ZMIZ1: variants seen among roughly 807,000 people sequenced by gnomAD.
ZMIZ1 encodes the protein zinc finger MIZ domain-containing protein 1.
ZMIZ1 carries 17 observed loss-of-function variants against 113.9 expected under a neutral mutation model. The ratio of observed to expected loss-of-function variants is 0.15; its 90% confidence interval spans 0.10 to 0.22. ZMIZ1 has a LOEUF of 0.22. Ranked by LOEUF, ZMIZ1 falls within the 10% of genes least tolerant of loss-of-function variation. The probability of loss-of-function intolerance (pLI) is 1.00; values close to 1 mark genes in which losing one functional copy is unlikely to be tolerated. For synonymous variants in ZMIZ1, 607 were observed against 603.1 expected, an observed-to-expected ratio of 1.01 and a Z score of -0.09; for missense variants, 1,059 against 1,477.8, an observed-to-expected ratio of 0.72 and a Z score of 4.65.
intron 3 of ZMIZ1, among the ~76,000 whole-genome samples, chr10:79,142,539 C>T (rs546459557): frequency 2.0e-4 from 30 of 152,280 alleles, no homozygotes; most frequent in Admixed American, 1.7e-3. Context: ...ACTCTGTATG[C>T]TGCAGTGGGA....
At chr10:79,267,749 C>T (rs974065156) in intron 7 of ZMIZ1, among the ~76,000 whole-genome samples, 1 of 152,110 alleles carries the variant, frequency 6.6e-6, no homozygotes, top group African/African-American at 2.4e-5. Context: ...TGAGATGGGC[C>T]GTCTCTCACT....
At chr10:79,206,240 C>T (rs182205163) in intron 5 of ZMIZ1, among the ~76,000 whole-genome samples, 8 of 152,316 alleles carry the variant, frequency 5.3e-5, no homozygotes, top group South Asian at 4.1e-4. Context: ...GCTGGGCACT[C>T]GGGTGCCAGA....
intron 3 of ZMIZ1, among the ~76,000 whole-genome samples, chr10:79,148,840 C>G (rs903399962): frequency 6.7e-6 from 1 of 148,952 alleles, no homozygotes; most frequent in Admixed American, 6.6e-5. Context: ...CTTAGGGCCA[C>G]AGACTTTAGG....
In ZMIZ1 at chr10:79,296,684, G is replaced by T. The variant is rs1853917090; in HGVS notation, c.1413+31G>T. 6.6e-7 allele frequency: 1 copy of T among 1,520,162 alleles called. No individual in the cohort carries two copies. Among genetic ancestry groups the T allele is most frequent in the African/African-American group, 1.4e-5 (1 of 71,934 alleles). The allele number at this position is 1,520,162 out of a possible 1,614,324, so 94.2% of individuals were successfully genotyped here. ...TCCCAGCCTCGCCACCACCCACGGG[G>T]CCCCTTCCCTCCTAACCACCTCACT... On this transcript the variant is annotated intron_variant, in intron 13 of 24. Transcript: ENST00000334512. This position sits in a 1 kb window ranked among gnomAD's most constrained non-coding sequence, Gnocchi z 4.1.
At chr10:79,122,691 A>G (rs1844352063) in intron 2 of ZMIZ1, among the ~76,000 whole-genome samples, 1 of 152,178 alleles carries the variant, frequency 6.6e-6, no homozygotes, top group Non-Finnish European at 1.5e-5. Context: ...TTTCACACCC[A>G]TCACACCCTG....
At chr10:79,081,596 G>A (rs1842660282) in intron 1 of ZMIZ1, among the ~76,000 whole-genome samples, 1 of 152,228 alleles carries the variant, frequency 6.6e-6, no homozygotes, top group African/African-American at 2.4e-5. Flanking sequence ...GAGGTAGCCA[G>A]GGGCTGTGAA....
chr10:79,213,708 A>G (rs1431643203), intron 6 of ZMIZ1, among the ~76,000 whole-genome samples: 1 of 152,208 alleles, frequency 6.6e-6, no homozygotes, highest in Non-Finnish European at 1.5e-5. Flanking sequence ...TTATGGCGTT[A>G]ACCCTTTGTG....
chr10:79,173,425 A>G (rs1846688791), intron 4 of ZMIZ1, among the ~76,000 whole-genome samples: 1 of 152,178 alleles, frequency 6.6e-6, no homozygotes, highest in South Asian at 2.1e-4. Flanking sequence ...AGAGCAGATT[A>G]GGACCAAAGG....
chr10:79,150,457 C>T (rs1452334074), intron 3 of ZMIZ1, among the ~76,000 whole-genome samples: 6 of 152,250 alleles, frequency 3.9e-5, no homozygotes, highest in Non-Finnish European at 7.3e-5. Context: ...TGACTTATCT[C>T]CTCTCAGACA....
At chr10:79,303,457 A>G (rs1227100128) in intron 18 of ZMIZ1, among the ~76,000 whole-genome samples, 2 of 147,136 alleles carry the variant, frequency 1.4e-5, no homozygotes, top group South Asian at 4.3e-4. Flanking sequence ...ACTGCCACAA[A>G]AAAAAAAAAA....
intron 4 of ZMIZ1, among the ~76,000 whole-genome samples, chr10:79,195,582 G>A (rs1288718716): frequency 3.3e-5 from 5 of 152,240 alleles, no homozygotes; most frequent in Non-Finnish European, 4.4e-5. Flanking sequence ...CGGAGGCAGC[G>A]GCCCAGCTGA....
chr10:79,226,365 GGTATCACCATGCCTGCCTTCC>G (rs1849200992), intron 7 of ZMIZ1, among the ~76,000 whole-genome samples: 1 of 152,170 alleles, frequency 6.6e-6, no homozygotes, highest in African/African-American at 2.4e-5. Flanking sequence ...CAGGGCCACA[GGTATCACCATGCCTGCCTTCC>G]CGAGCCTTCC....
rs370689149 is a variant in ZMIZ1 at position 79,309,098 on chromosome 10, G to T, written c.2835+1527G>T. Among the ~76,000 whole-genome samples the T allele has an allele frequency of 5.2e-4, 79 of 152,312 alleles. 2 individuals are homozygous for T. The South Asian group carries it at 0.014, about 27-fold the overall frequency. ...AACTTCTACCACACCTGCCCAGGTG[G>T]AGGCAGCCACACCCCCAGCTGAGCC... is the stretch of plus-strand genomic sequence containing the variant. On this transcript the variant is annotated intron_variant, in intron 23 of 24. Transcript: ENST00000334512.
At chr10:79,262,642 C>A (rs547225673) in intron 7 of ZMIZ1, among the ~76,000 whole-genome samples, 1 of 152,374 alleles carries the variant, frequency 6.6e-6, no homozygotes, top group Admixed American at 6.5e-5. Flanking sequence ...TCCTCCCTCC[C>A]CTCAGTGTTC....
chr10:79,075,185 G>A (rs569409588), intron 1 of ZMIZ1, among the ~76,000 whole-genome samples: 1 of 152,090 alleles, frequency 6.6e-6, no homozygotes, highest in Non-Finnish European at 1.5e-5. Context: ...AGTGATGGTG[G>A]GTGTCGTGTT....
At chr10:79,283,220 G>A (rs1852849498) in intron 8 of ZMIZ1, among the ~76,000 whole-genome samples, 1 of 152,220 alleles carries the variant, frequency 6.6e-6, no homozygotes, top group Non-Finnish European at 1.5e-5. Flanking sequence ...GAGGCTTCTG[G>A]GCGGGAGGGC....
intron 23 of ZMIZ1, among the ~76,000 whole-genome samples, chr10:79,309,732 A>G (rs1468532391): frequency 2.0e-5 from 3 of 152,130 alleles, no homozygotes; most frequent in Admixed American, 2.0e-4. Flanking sequence ...TGCAAATTCT[A>G]AATGCACACA....
chr10:79,100,721 C>G (rs934833551), intron 1 of ZMIZ1, among the ~76,000 whole-genome samples: 3 of 152,154 alleles, frequency 2.0e-5, no homozygotes, highest in Non-Finnish European at 2.9e-5. Context: ...AGGCTCATTG[C>G]TGGCAGGGGC....
rs147895417 is a variant in ZMIZ1 at position 79,095,130 on chromosome 10, G to A, written c.-336-23785G>A. Among the ~76,000 whole-genome samples, 203 of 152,222 alleles carry A rather than the reference G, an allele frequency of 1.3e-3. 1 individual carries two copies. Among genetic ancestry groups the A allele is most frequent in the African/African-American group, 4.7e-3 (195 of 41,526 alleles). ...GTGTCTTCCACTTGTGGGACCTTGG[G>A]CATTTGACTTCCTCTCAGGACCTCA... On this transcript the variant is annotated intron_variant, in intron 1 of 24. Coordinates refer to ENST00000334512, the MANE Select transcript of ZMIZ1 (RefSeq NM_020338.4).
Sources: allele counts gnomAD v4.1 joint callset (sites outside exome capture counted in the v4.1 genomes callset), GRCh38; gene constraint gnomAD v4.1.1; non-coding constraint Gnocchi (gnomAD v3.1); transcripts MANE v1.5; gene names NCBI Gene and HGNC (gene_info 2026-07-23, HGNC 2026-07-21).